Variants in PPP1R12B observed in about 807,000 individuals in gnomAD.
The protein encoded by PPP1R12B is myosin phosphatase target subunit 2.
Under a neutral mutation model 126.1 loss-of-function variants are expected in PPP1R12B, and 76 were observed. The ratio of observed to expected loss-of-function variants is 0.60; its 90% CI spans 0.50 to 0.73. PPP1R12B has a LOEUF of 0.73. Ranked by LOEUF, PPP1R12B falls within the 30% of genes least tolerant of loss-of-function variation. The pLI, the probability that PPP1R12B is intolerant of heterozygous loss-of-function variation, is 0.00. For synonymous variants in PPP1R12B, 356 were observed against 434.7 expected, an observed-to-expected ratio of 0.82 and a Z score of 2.25; for missense variants, 1,052 against 1,205.1, an observed-to-expected ratio of 0.87 and a Z score of 1.88.
chr1:202,376,261 G>T (rs1661162603), intron 1 of PPP1R12B, among the ~76,000 whole-genome samples: 1 of 152,120 alleles, frequency 6.6e-6, no homozygotes, highest in African/African-American at 2.4e-5. Context: ...GGGCTTAACA[G>T]GGAATTAGGA....
chr1:202,564,571 A>G, intron 21 of PPP1R12B, 24 bp downstream of exon 21: 2 of 1,566,920 alleles, frequency 1.3e-6, no homozygotes, highest in Non-Finnish European at 1.8e-6. Context: ...AGAAGAAAAA[A>G]GATGAGAACC....
Position 202,440,705 on chromosome 1 carries a change from G to A in PPP1R12B, c.1459-1G>A. 4 of 1,609,960 alleles carry A rather than the reference G, an allele frequency of 2.5e-6. No individual in the cohort carries two copies. Among genetic ancestry groups the A allele is most frequent in the Non-Finnish European group, 3.4e-6 (4 of 1,176,510 alleles). On this transcript the variant is annotated splice_acceptor_variant, in intron 10 of 23. Transcript: ENST00000608999. LOFTEE classifies it high-confidence loss of function. ...GTGCTTTACTTGTTTTTATTTTACA[G>A]GAGAGAGAAAACAAAAGCTATATTA... is the stretch of plus-strand genomic sequence containing the variant.
chr1:202,401,391 G>A (rs1409255511), intron 1 of PPP1R12B, among the ~76,000 whole-genome samples: 1 of 8,740 alleles, frequency 1.1e-4, no homozygotes, highest in Admixed American at 8.2e-4. Flanking sequence ...TTTTTTTTTT[G>A]TAGAGATAGA....
At chr1:202,483,442 A>T (rs1677676421) in intron 13 of PPP1R12B, among the ~76,000 whole-genome samples, 1 of 152,134 alleles carries the variant, frequency 6.6e-6, no homozygotes, top group Non-Finnish European at 1.5e-5. Flanking sequence ...AAGTATATGT[A>T]AAAAGAGAGA....
chr1:202,581,171 GT>G lies in PPP1R12B; in HGVS notation c.*615del. On this transcript the variant is annotated 3_prime_UTR_variant, in exon 24 of 24. Transcript: ENST00000608999. Reference sequence around the variant, plus strand: ...CAACACCCAGTAATCTCCCTAACTAGTTTTAACCCTTATTCCTCCCTCATAC... The same window carrying G: ...CAACACCCAGTAATCTCCCTAACTAGTTTAACCCTTATTCCTCCCTCATAC... The G allele has an allele frequency of 6.5e-6, 1 of 152,948 alleles. No homozygotes were observed. Among genetic ancestry groups the G allele is most frequent in the East Asian group, 1.9e-4 (1 of 5,202 alleles). The allele number at this position is 152,948 out of a possible 1,614,324, so 9.5% of individuals were successfully genotyped here.
intron 23 of PPP1R12B, among the ~76,000 whole-genome samples, chr1:202,571,318 GTT>G (rs2149031361): frequency 1.3e-5 from 2 of 152,268 alleles, no homozygotes; most frequent in Admixed American, 1.3e-4. Flanking sequence ...ATACGAAAGT[GTT>G]TGCTCTCCCC....
chr1:202,401,782 A>G (rs556384063), intron 1 of PPP1R12B, among the ~76,000 whole-genome samples: 1 of 152,224 alleles, frequency 6.6e-6, no homozygotes, highest in South Asian at 2.1e-4. Context: ...CCTATACAGC[A>G]TCTTACAACA....
At chr1:202,510,279 T>C (rs1372065143) in intron 18 of PPP1R12B, among the ~76,000 whole-genome samples, 1 of 152,210 alleles carries the variant, frequency 6.6e-6, no homozygotes, top group African/African-American at 2.4e-5. Flanking sequence ...AAAGCTTCTA[T>C]AGTAGTCTCC....
chr1:202,365,220 C>A (rs539439209), intron 1 of PPP1R12B, among the ~76,000 whole-genome samples: 1 of 151,854 alleles, frequency 6.6e-6, no homozygotes, highest in Non-Finnish European at 1.5e-5. Context: ...GATGCCAAGG[C>A]GAGAGGATCA....
In PPP1R12B at chr1:202,591,665, GGGAA is replaced by G. The variant is rs1690123523; in HGVS notation, c.*11107_*11110del. On this transcript the variant is annotated 3_prime_UTR_variant, in exon 24 of 24. Transcript: ENST00000608999. ...TGTCAGACTGCAGGAGGATGCACGAGGGAAGAGCGTCAGCCCCTGTATTCACCGG... is the reference window on the plus strand; with the variant it reads ...TGTCAGACTGCAGGAGGATGCACGAGGAGCGTCAGCCCCTGTATTCACCGG... 6.5e-6 allele frequency: 1 copy of G among 152,706 alleles called. No individual in the cohort carries two copies. Among genetic ancestry groups the G allele is most frequent in the Non-Finnish European group, 1.5e-5 (1 of 68,272 alleles). 9.5% of individuals were successfully genotyped at this position (152,706 alleles called of 1,614,324 possible). A position where few individuals can be genotyped will look rare whatever the true frequency, so the allele number is the denominator to read the frequency against.
intron 1 of PPP1R12B, among the ~76,000 whole-genome samples, chr1:202,374,983 C>T (rs1571672814): frequency 6.6e-6 from 1 of 152,302 alleles, no homozygotes; most frequent in Non-Finnish European, 1.5e-5. Flanking sequence ...CGTTCTGTCG[C>T]CCAGGCCGAA....
chr1:202,430,038 T>C (rs939834065), intron 6 of PPP1R12B, among the ~76,000 whole-genome samples: 1 of 152,214 alleles, frequency 6.6e-6, no homozygotes, highest in Non-Finnish European at 1.5e-5. Context: ...AATGCTGTTA[T>C]TTAGCAGCAA....
chr1:202,501,755 C>G (rs1440019822), intron 18 of PPP1R12B: 2 of 716,578 alleles, frequency 2.8e-6, no homozygotes, highest in Admixed American at 6.3e-5. Flanking sequence ...CAACCTGTAC[C>G]TTTTTTCAGG....
chr1:202,523,436 T>A (rs1201710185), intron 18 of PPP1R12B, among the ~76,000 whole-genome samples: 1 of 152,030 alleles, frequency 6.6e-6, no homozygotes, highest in Non-Finnish European at 1.5e-5. Context: ...GCAGAAGGAG[T>A]TAGCCACAAA....
At position 202,463,262 on chromosome 1, in the gene PPP1R12B, A is replaced by G. The variant is rs749640016; in HGVS notation, c.1850+14091A>G. Among the ~76,000 whole-genome samples the G allele has an allele frequency of 1.6e-4, 24 of 152,290 alleles. 1 individual carries two copies. In the East Asian group the frequency reaches 3.7e-3, roughly 23 times the overall value. On this transcript the variant is annotated intron_variant, in intron 13 of 23. Transcript: ENST00000608999. Reference sequence around the variant, plus strand: ...TGGAACTTCTCTAGTGTTTCTTCACATTACTAATGAATTTAAACATGTGCA... The same window carrying G: ...TGGAACTTCTCTAGTGTTTCTTCACGTTACTAATGAATTTAAACATGTGCA...
intron 2 of PPP1R12B, chr1:202,417,123 C>A (rs2148619063): frequency 2.6e-6 from 2 of 775,996 alleles, no homozygotes; most frequent in South Asian, 1.2e-4. Flanking sequence ...AGTTGAAACT[C>A]TTTTTGTTTG....
intron 18 of PPP1R12B, among the ~76,000 whole-genome samples, chr1:202,507,695 G>A (rs1680975417): frequency 6.6e-6 from 1 of 152,178 alleles, no homozygotes. Flanking sequence ...AATTTTATAA[G>A]GTTGTCTTCA....
chr1:202,517,462 A>G (rs1160422919), intron 18 of PPP1R12B, among the ~76,000 whole-genome samples: 1 of 152,126 alleles, frequency 6.6e-6, no homozygotes, highest in East Asian at 1.9e-4. Flanking sequence ...TCCTAAAAAT[A>G]TTGGGGCTTT....
chr1:202,525,035 C>T (rs1683172353), intron 18 of PPP1R12B, among the ~76,000 whole-genome samples: 1 of 152,082 alleles, frequency 6.6e-6, no homozygotes, highest in African/African-American at 2.4e-5. Context: ...TCCGCCACCA[C>T]ACCCGGCTAA....
Sources: gnomAD v4.1 joint callset for allele counts (sites outside exome capture counted in the v4.1 genomes callset) on GRCh38, gnomAD v4.1.1 for gene constraint, MANE v1.5 for transcripts, NCBI Gene and HGNC (gene_info 2026-07-23, HGNC 2026-07-21) for gene names.